Variants in RBMX2 observed in about 807,000 individuals in gnomAD.
The protein encoded by RBMX2 is RNA-binding motif protein, X-linked 2.
For synonymous variants in RBMX2, 77 were observed against 94.3 expected (o/e 0.82, Z 1.07); for missense variants, 191 against 256.0 (o/e 0.75, Z 1.73).
intron 3 of RBMX2, among the ~76,000 whole-genome samples, chrX:130,407,107 G>A (rs1276962330): frequency 1.9e-5 from 2 of 107,079 alleles, no homozygotes; most frequent in Non-Finnish European, 3.8e-5. Context: ...GGGTCAACAT[G>A]AGTTCCTTCA....
At position 130,412,627 on chromosome X, in the gene RBMX2, G is replaced by T; in HGVS notation, c.748G>T (p.Glu250Ter). The change falls in exon 6 of 6, where the codon GAG (glutamate) becomes TAG (stop). Residue 250 changes from glutamate (E) to a stop codon, truncating the protein, a stop_gained. Transcript: ENST00000305536. LOFTEE classifies it low-confidence loss of function (END_TRUNC). ...RELKKEKPKH[E>*]HKSSSRREAR... is the part of the protein sequence containing the mutation. ...GCTGAAGAAGGAGAAACCCAAGCAC[G>T]AGCACAAGTCCTCAAGCAGGAGGGA... The T allele has an allele frequency of 8.3e-7, 1 of 1,209,559 alleles. No individual in the cohort carries two copies. Among genetic ancestry groups the T allele is most frequent in the Non-Finnish European group, 1.1e-6 (1 of 894,992 alleles).
At chrX:130,402,227 C>CCGAA in intron 1 of RBMX2, 28 bp from the exon 2 acceptor site, 1 of 1,023,972 alleles carries the variant, frequency 9.8e-7, no homozygotes, top group Non-Finnish European at 1.4e-6. Flanking sequence ...TTCTGCCTAC[C>CCGAA]CTCCCCACCC....
chrX:130,409,122 G>T, intron 3 of RBMX2, 135 bp from the exon 4 acceptor site: 1 of 506,328 alleles, frequency 2.0e-6, no homozygotes, highest in Non-Finnish European at 2.9e-6. Flanking sequence ...CTTTTTCTTT[G>T]CAACCTTTCT....
At chrX:130,402,225 A>ACCCCACC in intron 1 of RBMX2, 30 bp from the exon 2 acceptor site, 5 of 984,749 alleles carry the variant, frequency 5.1e-6, no homozygotes, top group Non-Finnish European at 7.0e-6. Context: ...TTTTCTGCCT[A>ACCCCACC]CCCTCCCCAC....
chrX:130,411,223 T>C, intron 4 of RBMX2, 125 bp from the exon 5 acceptor site: 1 of 667,212 alleles, frequency 1.5e-6, no homozygotes, highest in Non-Finnish European at 2.2e-6. Context: ...TCTGCTTTAG[T>C]GACAGAATTT....
Position 130,411,673 on chromosome X carries a change from G to A in RBMX2, c.481+148G>A, listed in dbSNP as rs1016400447. On this transcript the variant is annotated intron_variant, in intron 5 of 5. Transcript: ENST00000305536. ...ATTGGGAAAGCAGGGAGTATCAGTG[G>A]AAGGCTGGTGCTATGGGCAGAATTG... 5.4e-6 allele frequency: 3 copies of A among 553,156 alleles called. No homozygotes were observed. The African/African-American group carries it at 7.2e-5, about 13-fold the overall frequency. 45.6% of individuals were successfully genotyped at this position (553,156 alleles called of 1,213,427 possible). A position where few individuals can be genotyped will look rare whatever the true frequency, so the allele number is the denominator to read the frequency against.
Position 130,402,285 on chromosome X carries a change from G to A in RBMX2, c.36G>A (p.Glu12=), listed in dbSNP as rs374057952. 1 of 1,191,659 alleles carries A rather than the reference G, an allele frequency of 8.4e-7. No individual in the cohort carries two copies. Among genetic ancestry groups the A allele is most frequent in the Non-Finnish European group, 1.1e-6 (1 of 885,927 alleles). The change falls in exon 2 of 6, where the codon GAG becomes GAA. Residue 12 remains glutamate (E), a synonymous_variant. Transcript: ENST00000305536. ...NPLTKVKLIN[E]LNEREVQLGV... ...TAACTAAGGTGAAGCTGATCAACGA[G>A]CTGAATGAACGAGAGGTCCAGCTTG...
At chrX:130,409,647 C>G (rs1361203291) in intron 4 of RBMX2, among the ~76,000 whole-genome samples, 2 of 111,835 alleles carry the variant, frequency 1.8e-5, no homozygotes, top group African/African-American at 6.5e-5. Context: ...TGCCTCTCAT[C>G]CAGGCCTCTG....
At chrX:130,402,225 A>AAC in intron 1 of RBMX2, 30 bp from the exon 2 acceptor site, 38 of 984,756 alleles carry the variant, frequency 3.9e-5, no homozygotes, top group Non-Finnish European at 4.8e-5. Flanking sequence ...TTTTCTGCCT[A>AAC]CCCTCCCCAC....
intron 1 of RBMX2, 31 bp from the exon 2 acceptor site, chrX:130,402,224 T>TACCCAACCC: frequency 8.5e-7 from 1 of 1,174,332 alleles, no homozygotes; most frequent in Non-Finnish European, 1.1e-6. Context: ...CTTTTCTGCC[T>TACCCAACCC]ACCCTCCCCA....
chrX:130,407,873 T>C lies in RBMX2; in HGVS notation c.174-1384T>C, dbSNP rs144846785. On this transcript the variant is annotated intron_variant, in intron 3 of 5. Coordinates refer to ENST00000305536, the MANE Select transcript of RBMX2 (RefSeq NM_016024.4). ...AGGGGTCTGGCCGTATTGTCCAGGC[T>C]GGTCTCAAACTCCTGGCATCAAGTG... 1.0e-3 allele frequency among the ~76,000 whole-genome samples: 113 copies of C among 111,313 alleles called. 2 individuals carry two copies. In the East Asian group the frequency reaches 0.03, roughly 29 times the overall value.
rs148918819 is a variant in RBMX2 at position 130,412,210 on chromosome X, G to A, written c.482-151G>A. 568 of 745,252 alleles carry A rather than the reference G, an allele frequency of 7.6e-4. 3 individuals are homozygous for A. In the African/African-American group the frequency reaches 0.011, roughly 14 times the overall value. The allele number at this position is 745,252 out of a possible 1,213,427, so 61.4% of individuals were successfully genotyped here. ...CAAAGTGCTGGGATTACAGGCGTGAGCCACCGCACCCGGCTGTGAATGTTT... is the reference window on the plus strand; with the variant it reads ...CAAAGTGCTGGGATTACAGGCGTGAACCACCGCACCCGGCTGTGAATGTTT... On this transcript the variant is annotated intron_variant, in intron 5 of 5. Transcript: ENST00000305536.
chrX:130,402,225 A>ACCCCCC (rs1569459651), intron 1 of RBMX2, 30 bp from the exon 2 acceptor site: 17 of 983,514 alleles, frequency 1.7e-5, no homozygotes, highest in African/African-American at 1.2e-4. Flanking sequence ...TTTTCTGCCT[A>ACCCCCC]CCCTCCCCAC....
intron 3 of RBMX2, among the ~76,000 whole-genome samples, chrX:130,406,658 G>A (rs2034486957): frequency 2.1e-5 from 2 of 95,868 alleles, no homozygotes; most frequent in Non-Finnish European, 4.1e-5. Context: ...GGGCAACAGA[G>A]TGAGACTCTG....
rs200158496 is a variant in RBMX2, at chrX:130,411,524, A to C, written c.480A>C (p.Lys160Asn). ...EDEKPTKKHK[K>N]DKKEKKKKKK... Reference sequence around the variant, plus strand: ...AAAAACCAACAAAAAAGCACAAAAAAGGTAAAGCATTAAGACTTAAGAGAA... The same window carrying C: ...AAAAACCAACAAAAAAGCACAAAAACGGTAAAGCATTAAGACTTAAGAGAA... Residue 160 changes from lysine (K) to asparagine (N), a missense_variant and splice_region_variant, in exon 5 of 6, where the codon AAA (lysine) becomes AAC (asparagine). Coordinates refer to ENST00000305536, the MANE Select transcript of RBMX2 (RefSeq NM_016024.4). The C allele has an allele frequency of 1.7e-6, 2 of 1,187,145 alleles. No homozygotes were observed. The highest frequency in any genetic ancestry group is 2.3e-6 in the Non-Finnish European group (2 of 884,988).
At chrX:130,403,897 T>C in intron 3 of RBMX2, 44 bp downstream of exon 3, 1 of 1,149,888 alleles carries the variant, frequency 8.7e-7, no homozygotes, top group South Asian at 1.8e-5. Flanking sequence ...GACAGAGTAC[T>C]TTGTTTCTGT....
At chrX:130,411,304 G>T (rs201297061) in intron 4 of RBMX2, 44 bp from the exon 5 acceptor site, 105 of 1,081,467 alleles carry the variant, frequency 9.7e-5, no homozygotes, top group Middle Eastern at 5.1e-4. Flanking sequence ...TTGACAGTTT[G>T]GTATGAGGGC....
intron 4 of RBMX2, 148 bp from the exon 5 acceptor site, chrX:130,411,200 C>T (rs1445198969): frequency 2.0e-6 from 1 of 504,122 alleles, no homozygotes; most frequent in African/African-American, 2.4e-5. Flanking sequence ...CTATGACACA[C>T]CAGTTGGACA....
At chrX:130,406,752 A>G (rs2034487951) in intron 3 of RBMX2, among the ~76,000 whole-genome samples, 1 of 110,664 alleles carries the variant, frequency 9.0e-6, no homozygotes, top group Admixed American at 9.6e-5. Context: ...GTAATGATCT[A>G]TCTTGGGGCT....
Sources: gnomAD v4.1 joint callset for allele counts (sites outside exome capture counted in the v4.1 genomes callset) on GRCh38, gnomAD v4.1.1 for gene constraint, MANE v1.5 for transcripts, NCBI Gene and HGNC (gene_info 2026-07-23, HGNC 2026-07-21) for gene names.